Variants in ADARB1 observed in about 807,000 individuals in gnomAD.
The protein encoded by ADARB1 is adenosine deaminase RNA specific B1.
In ADARB1, 10 loss-of-function variants were observed where a neutral mutation model predicts 52.4. The ratio of observed to expected loss-of-function variants is 0.19; its 90% CI spans 0.12 to 0.32. The LOEUF (loss-of-function observed/expected upper bound fraction) is 0.32. ADARB1 is among the 10% of genes least tolerant of loss of function. The pLI is 1.00. For synonymous variants in ADARB1, 349 were observed against 371.1 expected (o/e 0.94, Z 0.68); for missense variants, 643 against 922.3 (o/e 0.70, Z 3.92).
At chr21:45,131,416 T>C (rs2088924684) in intron 2 of ADARB1, among the ~76,000 whole-genome samples, 2 of 152,230 alleles carry the variant, frequency 1.3e-5, no homozygotes, top group South Asian at 2.1e-4. Flanking sequence ...GAAAAATGCA[T>C]TGTGTCAATC....
At chr21:45,085,366 CTTAGTG>C in intron 1 of ADARB1, among the ~76,000 whole-genome samples, 1 of 152,190 alleles carries the variant, frequency 6.6e-6, no homozygotes, top group South Asian at 2.1e-4. Context: ...ACACTTACTA[CTTAGTG>C]TTAATCTACA....
intron 1 of ADARB1, among the ~76,000 whole-genome samples, chr21:45,084,805 T>C (rs1474137413): frequency 6.6e-6 from 1 of 152,218 alleles, no homozygotes; most frequent in African/African-American, 2.4e-5. Context: ...CCAGTTTTGT[T>C]TCTTTTTCTT....
At chr21:45,103,619 C>T (rs2087120867) in intron 1 of ADARB1, among the ~76,000 whole-genome samples, 1 of 152,002 alleles carries the variant, frequency 6.6e-6, no homozygotes, top group Non-Finnish European at 1.5e-5. Context: ...AGAATCAGTG[C>T]AAGAACTGAT....
chr21:45,191,621 CATT>C (rs1385156765), intron 8 of ADARB1, among the ~76,000 whole-genome samples: 1 of 151,890 alleles, frequency 6.6e-6, no homozygotes, highest in Non-Finnish European at 1.5e-5. Context: ...TATAGTCACT[CATT>C]GTTTTAACAT....
chr21:45,134,689 A>ATTTT (rs11369444), intron 2 of ADARB1: 9 of 407,694 alleles, frequency 2.2e-5, no homozygotes, highest in Admixed American at 1.2e-4. Context: ...ACTTGCACAG[A>ATTTT]TTTTTTTTTT....
Position 45,185,038 on chromosome 21 carries a change from G to A in ADARB1, c.1512G>A (p.Gly504=), listed in dbSNP as rs1394511084. The A allele has an allele frequency of 3.7e-6, 6 of 1,614,078 alleles. No individual in the cohort carries two copies. The East Asian group carries it at 1.1e-4, about 30-fold the overall frequency. ...RSNASIQTWD[G]VLQGERLLTM... is the part of the protein sequence containing the mutation. ...ATGCGAGCATCCAAACGTGGGACGG[G>A]GTGCTGCAAGGGGAGCGGCTGCTCA... Residue 504 remains glycine, a synonymous_variant, in exon 8 of 11, where the codon GGG becomes GGA. Coordinates refer to ENST00000348831, the MANE Select transcript of ADARB1 (RefSeq NM_001112.4).
intron 9 of ADARB1, among the ~76,000 whole-genome samples, chr21:45,213,213 C>T (rs965444600): frequency 6.6e-6 from 1 of 152,180 alleles, no homozygotes; most frequent in Admixed American, 6.5e-5. Context: ...ATATCTGATT[C>T]TACTGAACAT....
intron 9 of ADARB1, among the ~76,000 whole-genome samples, chr21:45,210,743 C>T (rs2092752369): frequency 6.6e-6 from 1 of 152,252 alleles, no homozygotes; most frequent in South Asian, 2.1e-4. Context: ...TCCCACCTTT[C>T]ACCACCCCAA....
chr21:45,135,984 C>T (rs534266444), intron 2 of ADARB1, among the ~76,000 whole-genome samples: 14 of 152,240 alleles, frequency 9.2e-5, no homozygotes, highest in Admixed American at 1.3e-4. Flanking sequence ...CCAGCAGCCA[C>T]GGGACTAGGC....
chr21:45,123,383 A>G (rs1275273876), intron 1 of ADARB1, among the ~76,000 whole-genome samples: 1 of 152,162 alleles, frequency 6.6e-6, no homozygotes, highest in Non-Finnish European at 1.5e-5. Context: ...AGTTCTCTGC[A>G]GTCTCAACTT....
Position 45,225,233 on chromosome 21 carries a change from TCCA to T in ADARB1, c.*3037_*3039del. On this transcript the variant is annotated 3_prime_UTR_variant, in exon 11 of 11. Transcript: ENST00000348831. ...TTCTGTGCCATGAGGCAGCGACAGG[TCCA>T]GATGGATGTCGTCACCACCTTCCTC... 3 of 1,107,036 alleles carry T rather than the reference TCCA, an allele frequency of 2.7e-6. No homozygotes were observed. Among genetic ancestry groups the T allele is most frequent in the Non-Finnish European group, 3.3e-6 (3 of 909,066 alleles). 68.6% of individuals were successfully genotyped at this position (1,107,036 alleles called of 1,614,324 possible).
intron 2 of ADARB1, chr21:45,137,280 G>C (rs985174317): frequency 6.6e-6 from 1 of 152,216 alleles, no homozygotes; most frequent in South Asian, 2.1e-4. Flanking sequence ...CTTGTGGGCA[G>C]ATTCCCCTGT....
At chr21:45,085,867 C>T (rs870145) in intron 1 of ADARB1, among the ~76,000 whole-genome samples, 9,980 of 152,270 alleles carry the variant, frequency 0.066, 390 homozygotes, top group East Asian at 0.15. Context: ...GTGCCTCTCA[C>T]GCAGAACTGA....
In ADARB1 at chr21:45,185,052, A is replaced by G; in HGVS notation, c.1526A>G (p.Glu509Gly). The G allele has an allele frequency of 6.2e-7, 1 of 1,614,128 alleles. No homozygotes were observed. Among genetic ancestry groups the G allele is most frequent in the Non-Finnish European group, 8.5e-7 (1 of 1,180,012 alleles). The stretch of plus-strand genomic sequence containing the variant: ...ACGTGGGACGGGGTGCTGCAAGGGG[A>G]GCGGCTGCTCACCATGTCCTGCAGT... The part of the protein sequence containing the change: ...IQTWDGVLQG[E>G]RLLTMSCSDK... Residue 509 changes from glutamate to glycine, a missense_variant, in exon 8 of 11, where the codon GAG becomes GGG. This residue lies in a region of ADARB1 where 263 missense variants were observed against 475.8 expected (regional missense o/e 0.55). Transcript: ENST00000348831.
At chr21:45,102,964 A>AG (rs933233439) in intron 1 of ADARB1, among the ~76,000 whole-genome samples, 5 of 152,228 alleles carry the variant, frequency 3.3e-5, no homozygotes, top group African/African-American at 1.2e-4. Flanking sequence ...TCACGGTGAC[A>AG]GGGTGTGCCT....
chr21:45,117,836 A>T (rs2087917844), intron 1 of ADARB1, among the ~76,000 whole-genome samples: 1 of 152,230 alleles, frequency 6.6e-6, no homozygotes, highest in Admixed American at 6.5e-5. Flanking sequence ...TCCCCACCCC[A>T]TGCCCCGTTT....
At chr21:45,094,189 G>A (rs887000554) in intron 1 of ADARB1, among the ~76,000 whole-genome samples, 2 of 152,160 alleles carry the variant, frequency 1.3e-5, no homozygotes, top group East Asian at 3.8e-4. Flanking sequence ...ACATTCAAAA[G>A]CATTTTTTCC....
chr21:45,093,578 G>T (rs1472581486), intron 1 of ADARB1, among the ~76,000 whole-genome samples: 3 of 152,198 alleles, frequency 2.0e-5, no homozygotes, highest in Non-Finnish European at 4.4e-5. Context: ...TGGAGTGAAG[G>T]TTCGGGGTGT....
chr21:45,222,713 A>G lies in ADARB1; in HGVS notation c.*516A>G. On this transcript the variant is annotated 3_prime_UTR_variant, in exon 11 of 11. Transcript: ENST00000348831. ...ATAGAGGTAGGAAATAGTAGCCTAA[A>G]GGAAATCGCCACACGTCTGTCTAAA... 4.1e-6 allele frequency: 4 copies of G among 986,350 alleles called. No homozygotes were observed. Among genetic ancestry groups the G allele is most frequent in the Non-Finnish European group, 4.8e-6 (4 of 830,626 alleles). The allele number at this position is 986,350 out of a possible 1,614,324, so 61.1% of individuals were successfully genotyped here. A position where few individuals can be genotyped will look rare whatever the true frequency, so the allele number is the denominator to read the frequency against.
Sources: gnomAD v4.1 joint callset for allele counts (sites outside exome capture counted in the v4.1 genomes callset) on GRCh38, gnomAD v4.1.1 for gene constraint, gnomAD v4.1.1 regional missense constraint, MANE v1.5 for transcripts, NCBI Gene and HGNC (gene_info 2026-07-23, HGNC 2026-07-21) for gene names.